MAOA: variants seen among roughly 807,000 people sequenced by gnomAD.
The protein encoded by MAOA is amine oxidase [flavin-containing] A.
A neutral mutation model predicts 42.0 loss-of-function variants in MAOA; 6 were observed. The ratio of observed to expected loss-of-function variants is 0.14; its 90% CI spans 0.08 to 0.28. The LOEUF (loss-of-function observed/expected upper bound fraction) is 0.28. Ranked by LOEUF, MAOA falls within the 10% of genes least tolerant of loss-of-function variation. The pLI, the probability that MAOA is intolerant of heterozygous loss-of-function variation, is 1.00. For synonymous variants in MAOA, 140 were observed against 154.0 expected (o/e 0.91, Z 0.67); for missense variants, 262 against 422.3 (o/e 0.62, Z 3.33).
intron 1 of MAOA, among the ~76,000 whole-genome samples, chrX:43,665,810 T>TTAGATAGATAGATAGA (rs35784967): frequency 3.6e-4 from 35 of 98,377 alleles, no homozygotes; most frequent in Non-Finnish European, 5.6e-4. Flanking sequence ...TAGGTATAGA[T>TTAGATAGATAGATAGA]TAGATAGATA....
chrX:43,728,399 T>C, intron 6 of MAOA, 85 bp downstream of exon 6: 1 of 1,023,998 alleles, frequency 9.8e-7, no homozygotes, highest in South Asian at 1.9e-5. Flanking sequence ...AATAGTTGCT[T>C]CAGGATTTTG....
At chrX:43,676,001 A>G (rs902281695) in intron 1 of MAOA, among the ~76,000 whole-genome samples, 2 of 112,284 alleles carry the variant, frequency 1.8e-5, no homozygotes, top group African/African-American at 6.5e-5. Context: ...TTAAGTCTGC[A>G]GAGGTTACTG....
At chrX:43,662,001 C>A (rs938072899) in intron 1 of MAOA, among the ~76,000 whole-genome samples, 1 of 111,526 alleles carries the variant, frequency 9.0e-6, no homozygotes, top group Admixed American at 9.6e-5. Context: ...GTTCAGCATT[C>A]CGATGATTGA....
intron 5 of MAOA, among the ~76,000 whole-genome samples, chrX:43,718,296 G>C (rs58146325): frequency 2.0e-5 from 2 of 102,262 alleles, no homozygotes; most frequent in African/African-American, 7.2e-5. Context: ...GGGTAGTAGT[G>C]GGGGAGACAG....
intron 1 of MAOA, among the ~76,000 whole-genome samples, chrX:43,676,478 C>T (rs949349726): frequency 1.8e-5 from 2 of 111,329 alleles, no homozygotes; most frequent in African/African-American, 6.5e-5. Flanking sequence ...TCTGGCACTC[C>T]CTAGTGAGAT....
chrX:43,708,559 C>T (rs1483159134), intron 3 of MAOA, among the ~76,000 whole-genome samples: 3 of 111,041 alleles, frequency 2.7e-5, no homozygotes, highest in Non-Finnish European at 3.8e-5. Context: ...TTCTGTGAAA[C>T]GAGAACAGAG....
At chrX:43,695,344 T>G in intron 3 of MAOA, among the ~76,000 whole-genome samples, 1 of 112,012 alleles carries the variant, frequency 8.9e-6, no homozygotes, top group African/African-American at 3.2e-5. Flanking sequence ...TTATGTACAT[T>G]TTAAAAACTG....
At chrX:43,741,926 A>G (rs776598514) in intron 11 of MAOA, 24 bp from the exon 12 acceptor site, 1 of 1,210,661 alleles carries the variant, frequency 8.3e-7, no homozygotes, top group South Asian at 1.8e-5. Flanking sequence ...TCTCTTTTGT[A>G]TTTTCTTCCC....
intron 1 of MAOA, among the ~76,000 whole-genome samples, chrX:43,676,446 ACCCACTGTCCTGCG>A (rs2033397870): frequency 9.0e-6 from 1 of 110,512 alleles, no homozygotes; most frequent in South Asian, 3.8e-4. Context: ...GGTGCACCGC[ACCCACTGTCCTGCG>A]CCCACTGTCT....
rs150667877 is a variant in MAOA at position 43,659,209 on chromosome X, T to G, written c.73+2795T>G. ...GGATGTATCTCCTTTTTTGTCATTA[T>G]AAAACATAAAATAGACTATGTCTTA... is the stretch of plus-strand genomic sequence containing the variant. On this transcript the variant is annotated intron_variant, in intron 1 of 14. Transcript: ENST00000338702. Among the ~76,000 whole-genome samples, 778 of 112,059 alleles carry G rather than the reference T, an allele frequency of 6.9e-3. 7 individuals carry two copies. The highest frequency in any genetic ancestry group is 0.024 in the African/African-American group (745 of 30,882).
In MAOA at chrX:43,744,690, C is replaced by T; in HGVS notation, c.*177C>T. 2.0e-6 allele frequency: 1 copy of T among 495,621 alleles called. No individual in the cohort carries two copies. The highest frequency in any genetic ancestry group is 3.4e-6 in the Non-Finnish European group (1 of 290,819). The allele number at this position is 495,621 out of a possible 1,213,427, so 40.8% of individuals were successfully genotyped here. A position where few individuals can be genotyped will look rare whatever the true frequency, so the allele number is the denominator to read the frequency against. On this transcript the variant is annotated 3_prime_UTR_variant, in exon 15 of 15. Coordinates refer to ENST00000338702, the MANE Select transcript of MAOA (RefSeq NM_000240.4). ...ATTCAAAGAATCACCTAATTAATTT[C>T]AGTAAGATCAAGCTCCATCTTATTT...
chrX:43,730,635 G>A (rs2033873882), intron 6 of MAOA, among the ~76,000 whole-genome samples: 1 of 109,128 alleles, frequency 9.2e-6, no homozygotes, highest in South Asian at 4.0e-4. Flanking sequence ...GGGATTACAG[G>A]CACGTGCCAC....
intron 1 of MAOA, among the ~76,000 whole-genome samples, chrX:43,669,083 C>A (rs913158720): frequency 1.8e-5 from 2 of 109,608 alleles, no homozygotes; most frequent in Non-Finnish European, 3.8e-5. Flanking sequence ...CATCATATTC[C>A]AATTCATTGT....
intron 3 of MAOA, among the ~76,000 whole-genome samples, chrX:43,695,565 T>C (rs938465496): frequency 9.1e-6 from 1 of 109,986 alleles, no homozygotes; most frequent in African/African-American, 3.3e-5. Context: ...ACCTCTTCTC[T>C]ATGAAAAATT....
chrX:43,658,649 G>A (rs2033207132), intron 1 of MAOA, among the ~76,000 whole-genome samples: 1 of 111,651 alleles, frequency 9.0e-6, no homozygotes, highest in Non-Finnish European at 1.9e-5. Flanking sequence ...CTCTATTCCA[G>A]AGGCCAGCTT....
At chrX:43,668,753 A>G (rs951905832) in intron 1 of MAOA, among the ~76,000 whole-genome samples, 8 of 111,820 alleles carry the variant, frequency 7.2e-5, no homozygotes, top group African/African-American at 2.6e-4. Context: ...TTTAATGAAA[A>G]GTTGAGCTAG....
chrX:43,698,232 A>T (rs1244237113), intron 3 of MAOA, among the ~76,000 whole-genome samples: 1 of 112,320 alleles, frequency 8.9e-6, no homozygotes, highest in Non-Finnish European at 1.9e-5. Flanking sequence ...AACACTGTCA[A>T]CAGTCTGTGG....
At chrX:43,712,890 A>G in intron 5 of MAOA, 94 bp downstream of exon 5, 1 of 633,555 alleles carries the variant, frequency 1.6e-6, no homozygotes, top group South Asian at 2.4e-5. Context: ...TTAACAACTT[A>G]CAGAAAAAAA....
At chrX:43,739,806 A>G (rs2033946616) in intron 10 of MAOA, among the ~76,000 whole-genome samples, 1 of 112,679 alleles carries the variant, frequency 8.9e-6, no homozygotes, top group African/African-American at 3.2e-5. Context: ...GTAAATAGGA[A>G]AAGTATATAA....
Sources: allele counts gnomAD v4.1 joint callset (sites outside exome capture counted in the v4.1 genomes callset), GRCh38; gene constraint gnomAD v4.1.1; transcripts MANE v1.5; gene names NCBI Gene and HGNC (gene_info 2026-07-23, HGNC 2026-07-21).